HYOU1: variants seen among roughly 807,000 people sequenced by gnomAD.
The protein encoded by HYOU1 is hypoxia up-regulated 1.
In HYOU1, 40 loss-of-function variants were observed where a neutral mutation model predicts 120.5. The observed-to-expected ratio is 0.33, with a 90% CI of 0.26 to 0.43. HYOU1 has a LOEUF of 0.43. Ranked by LOEUF, HYOU1 falls within the 20% of genes least tolerant of loss-of-function variation. The probability of loss-of-function intolerance (pLI) is 1.00; values close to 1 mark genes in which losing one functional copy is unlikely to be tolerated. For missense variants in HYOU1, 1,085 were observed against 1,278.3 expected (o/e 0.85, Z 2.31); for synonymous variants, 501 against 479.4 (o/e 1.05, Z -0.59).
At position 119,051,808 on chromosome 11, in the gene HYOU1, G is replaced by T. The variant is rs186236774; in HGVS notation, c.1338+11C>A. Reference sequence around the variant, plus strand: ...AGGGAGCTTGTCACCTGCTCAGTCAGGCTCACTCACCAGGATGGGGTAGAC... The same window carrying T: ...AGGGAGCTTGTCACCTGCTCAGTCATGCTCACTCACCAGGATGGGGTAGAC... On this transcript the variant is annotated intron_variant, in intron 12 of 25. Coordinates refer to ENST00000617285, the MANE Select transcript of HYOU1 (RefSeq NM_006389.5). The surrounding 1 kb of genome is among the most constrained non-coding windows in gnomAD (Gnocchi z 4.2). 3 of 1,613,952 alleles carry T rather than the reference G, an allele frequency of 1.9e-6. No homozygotes were observed. In the African/African-American group the frequency reaches 4.0e-5, roughly 22 times the overall value.
chr11:119,056,269 T>A, intron 1 of HYOU1, 102 bp from the exon 2 acceptor site: 1 of 830,184 alleles, frequency 1.2e-6, no homozygotes, highest in Non-Finnish European at 2.0e-6. Context: ...CATATCTACT[T>A]CATTCTTACC....
chr11:119,047,861 G>C, intron 21 of HYOU1, 43 bp from the exon 22 acceptor site: 1 of 1,612,454 alleles, frequency 6.2e-7, no homozygotes, highest in Non-Finnish European at 8.5e-7. Context: ...AGGGAGAGGG[G>C]CCTGGAGTGT....
chr11:119,056,638 G>C (rs1179455586), intron 1 of HYOU1, among the ~76,000 whole-genome samples: 1 of 152,238 alleles, frequency 6.6e-6, no homozygotes, highest in Non-Finnish European at 1.5e-5. Flanking sequence ...GGGTAGCTAG[G>C]ATGAAGGAAA....
chr11:119,051,612 C>G lies in HYOU1; in HGVS notation c.1352G>C (p.Arg451Thr). 1.2e-6 allele frequency: 2 copies of G among 1,614,102 alleles called. No homozygotes were observed. Among genetic ancestry groups the G allele is most frequent in the Non-Finnish European group, 1.7e-6 (2 of 1,180,014 alleles). The change falls in exon 13 of 26, where the codon AGG becomes ACG. Residue 451 changes from arginine to threonine, a missense_variant. By Grantham distance (71) the Arg-to-Thr change is moderately conservative (BLOSUM62 -1). This residue lies in a region of HYOU1 where 515 missense variants were observed against 677.8 expected (regional missense o/e 0.76). Transcript: ENST00000617285. The surrounding 1 kb of genome is among the most constrained non-coding windows in gnomAD (Gnocchi z 4.2). Reference sequence around the variant, plus strand: ...AATCCCAGGCTCCTCCTCCACCTCCCTCGTGAACTCCACCTACACAGCAGG... The same window carrying G: ...AATCCCAGGCTCCTCCTCCACCTCCGTCGTGAACTCCACCTACACAGCAGG... ...VVYPILVEFTREVEEEPGIHS... is the reference protein window; with the variant it reads ...VVYPILVEFTTEVEEEPGIHS...
chr11:119,046,397 C>G lies in HYOU1; in HGVS notation c.2887+20G>C. The stretch of plus-strand genomic sequence containing the variant: ...GCTAATGCAACATCCACGTGCTCAA[C>G]CATGGTTGCTCCAACTCACCAGTCT... On this transcript the variant is annotated intron_variant, in intron 24 of 25. Coordinates refer to ENST00000617285, the MANE Select transcript of HYOU1 (RefSeq NM_006389.5). The G allele has an allele frequency of 3.1e-6, 5 of 1,613,628 alleles. No homozygotes were observed. The highest frequency in any genetic ancestry group is 4.2e-6 in the Non-Finnish European group (5 of 1,179,688).
At chr11:119,046,009 C>T (rs945902376) in intron 24 of HYOU1, among the ~76,000 whole-genome samples, 178 bp from the exon 25 acceptor site, 4 of 152,196 alleles carry the variant, frequency 2.6e-5, no homozygotes, top group African/African-American at 9.6e-5. Context: ...GGCTGGAGTG[C>T]AGAGTGCAGT....
At position 119,048,682 on chromosome 11, in the gene HYOU1, T is replaced by C; in HGVS notation, c.2165+32A>G. ...ACATCCTGCCCACCTTGCACACACA[T>C]GTACACACACACACCAGCTGTCCTC... On this transcript the variant is annotated intron_variant, in intron 18 of 25. Coordinates refer to ENST00000617285, the MANE Select transcript of HYOU1 (RefSeq NM_006389.5). The surrounding 1 kb of genome is among the most constrained non-coding windows in gnomAD (Gnocchi z 4.7). The C allele has an allele frequency of 6.2e-7, 1 of 1,606,136 alleles. No homozygotes were observed. Among genetic ancestry groups the C allele is most frequent in the South Asian group, 1.1e-5 (1 of 89,762 alleles).
rs889637418 is a variant in HYOU1, at chr11:119,045,085, C to G, written c.*508G>C. 2.2e-6 allele frequency: 1 copy of G among 450,914 alleles called. No homozygotes were observed. Among genetic ancestry groups the G allele is most frequent in the East Asian group, 7.1e-5 (1 of 14,178 alleles). The allele number at this position is 450,914 out of a possible 1,614,324, so 27.9% of individuals were successfully genotyped here. On this transcript the variant is annotated 3_prime_UTR_variant, in exon 26 of 26. Coordinates refer to ENST00000617285, the MANE Select transcript of HYOU1 (RefSeq NM_006389.5). ...GGAGGCTCAGAGCAAGAGAAGCCCG[C>G]AGAGGGAGGAAAGAGCACAGATAGG...
chr11:119,047,679 C>A (rs1944163711), intron 22 of HYOU1, 55 bp downstream of exon 22: 17 of 1,445,198 alleles, frequency 1.2e-5, no homozygotes, highest in Non-Finnish European at 1.7e-5. Flanking sequence ...CCACCTCTCC[C>A]ACAGTACCTA....
In HYOU1 at chr11:119,056,106, C is replaced by T. The variant is rs138904161; in HGVS notation, c.55G>A (p.Val19Met). ...AACAGGTCTGCCAAGAGCACAGCCACCAAGGCCCAACAGACTCGCCTCCTC... is the reference window on the plus strand; with the variant it reads ...AACAGGTCTGCCAAGAGCACAGCCATCAAGGCCCAACAGACTCGCCTCCTC... ...RPRRRVCWAL[V>M]AVLLADLLAL... Residue 19 changes from valine (V) to methionine (M), a missense_variant, in exon 2 of 26, where the codon GTG becomes ATG. Val to Met is a conservative substitution (Grantham distance 21, BLOSUM62 1). Around this residue, in one of 4 missense-constraint regions of HYOU1, gnomAD observed 45 missense variants for 49.2 expected, o/e 0.91. Transcript: ENST00000617285. The T allele has an allele frequency of 7.4e-6, 12 of 1,614,160 alleles. No individual in the cohort carries two copies. The highest frequency in any genetic ancestry group is 1.0e-5 in the Non-Finnish European group (12 of 1,180,038).
rs1168817 is a variant in HYOU1 at position 119,052,841 on chromosome 11, A to C, written c.795-12T>G. On this transcript the variant is annotated splice_polypyrimidine_tract_variant and intron_variant, in intron 8 of 25. Coordinates refer to ENST00000617285, the MANE Select transcript of HYOU1 (RefSeq NM_006389.5). This position sits in a 1 kb window ranked among gnomAD's most constrained non-coding sequence, Gnocchi z 5.0. ...GGGTACGGTCAAATCTGTTGAGAAAAGGGAGCAGGGAAAAAAGTGAAGAAC... is the reference window on the plus strand; with the variant it reads ...GGGTACGGTCAAATCTGTTGAGAAACGGGAGCAGGGAAAAAAGTGAAGAAC... 32 of 1,605,052 alleles carry C rather than the reference A, an allele frequency of 2.0e-5. No individual in the cohort carries two copies. The South Asian group carries it at 3.2e-4, about 16-fold the overall frequency.
At chr11:119,054,823 T>C in intron 6 of HYOU1, 148 bp from the exon 7 acceptor site, 1 of 1,071,698 alleles carries the variant, frequency 9.3e-7, no homozygotes, top group Non-Finnish European at 1.3e-6. Flanking sequence ...ATCCCCGGCC[T>C]CTACCCACTA....
chr11:119,048,266 A>C lies in HYOU1; in HGVS notation c.2358T>G (p.Gly786=), dbSNP rs11537773. The change falls in exon 20 of 26, where the codon GGT becomes GGG. Residue 786 remains glycine (G), a synonymous_variant. Transcript: ENST00000617285. The surrounding 1 kb of genome is among the most constrained non-coding windows in gnomAD (Gnocchi z 4.7). ...SAASTWLEDE[G]VGATTVMLKE... ...CCCTCACCACTGTGGTGGCTCCAAC[A>C]CCCTCATCCTCCAGCCAGGTGGATG... The C allele has an allele frequency of 1.2e-6, 2 of 1,611,160 alleles. No individual in the cohort carries two copies. Among genetic ancestry groups the C allele is most frequent in the South Asian group, 2.2e-5 (2 of 90,996 alleles).
rs1385883536 is a variant in HYOU1, at chr11:119,044,343, C to T, written c.*1250G>A. On this transcript the variant is annotated 3_prime_UTR_variant, in exon 26 of 26. Coordinates refer to ENST00000617285, the MANE Select transcript of HYOU1 (RefSeq NM_006389.5). ...GGGTGAGGGGTGGGACCCTTAGGTC[C>T]CATCTCTGCCAATGTGGCAAAAAAA... The T allele has an allele frequency of 6.7e-6, 1 of 150,176 alleles. No individual in the cohort carries two copies. The highest frequency in any genetic ancestry group is 1.9e-4 in the East Asian group (1 of 5,140). 9.3% of individuals were successfully genotyped at this position (150,176 alleles called of 1,614,324 possible). A position where few individuals can be genotyped will look rare whatever the true frequency, so the allele number is the denominator to read the frequency against.
rs2133586257 is a variant in HYOU1 at position 119,051,605 on chromosome 11, C to A, written c.1359G>T (p.Val453=). The A allele has an allele frequency of 6.2e-7, 1 of 1,614,100 alleles. No homozygotes were observed. Among genetic ancestry groups the A allele is most frequent in the Admixed American group, 1.7e-5 (1 of 60,006 alleles). The stretch of plus-strand genomic sequence containing the variant: ...GGCTGTGAATCCCAGGCTCCTCCTC[C>A]ACCTCCCTCGTGAACTCCACCTACA... ...YPILVEFTRE[V]EEEPGIHSLK... is the part of the protein sequence containing the mutation. The change falls in exon 13 of 26, where the codon GTG becomes GTT. Residue 453 remains valine, a synonymous_variant. Coordinates refer to ENST00000617285, the MANE Select transcript of HYOU1 (RefSeq NM_006389.5). The surrounding 1 kb of genome is among the most constrained non-coding windows in gnomAD (Gnocchi z 4.2).
Position 119,052,505 on chromosome 11 carries a change from G to C in HYOU1, c.988-76C>G. 1 of 1,604,322 alleles carries C rather than the reference G, an allele frequency of 6.2e-7. No homozygotes were observed. Among genetic ancestry groups the C allele is most frequent in the Admixed American group, 1.7e-5 (1 of 59,624 alleles). On this transcript the variant is annotated intron_variant, in intron 9 of 25. Transcript: ENST00000617285. This position sits in a 1 kb window ranked among gnomAD's most constrained non-coding sequence, Gnocchi z 5.0. ...TTGGTGAGTAGGACAGAAACAAAAAGAATAGGTCTTTGGGAGGATGGTAGC... is the reference window on the plus strand; with the variant it reads ...TTGGTGAGTAGGACAGAAACAAAAACAATAGGTCTTTGGGAGGATGGTAGC...
rs1195532328 is a variant in HYOU1 at position 119,044,804 on chromosome 11, A to T, written c.*789T>A. The T allele has an allele frequency of 2.4e-5, 6 of 246,844 alleles. No individual in the cohort carries two copies. Among genetic ancestry groups the T allele is most frequent in the African/African-American group, 1.3e-4 (6 of 45,426 alleles). The allele number at this position is 246,844 out of a possible 1,614,324, so 15.3% of individuals were successfully genotyped here. A position where few individuals can be genotyped will look rare whatever the true frequency, so the allele number is the denominator to read the frequency against. On this transcript the variant is annotated 3_prime_UTR_variant, in exon 26 of 26. Coordinates refer to ENST00000617285, the MANE Select transcript of HYOU1 (RefSeq NM_006389.5). ...GCTGGGAAGATGCAGATTATGACAG[A>T]GCTTGCACGATGCTGGCACCCCATG...
chr11:119,053,119 C>A lies in HYOU1; in HGVS notation c.795-290G>T, dbSNP rs1163136691. The A allele has an allele frequency of 8.2e-6, 3 of 365,054 alleles. No individual in the cohort carries two copies. In the Admixed American group the frequency reaches 1.3e-4, roughly 16 times the overall value. 22.6% of individuals were successfully genotyped at this position (365,054 alleles called of 1,614,324 possible). A position where few individuals can be genotyped will look rare whatever the true frequency, so the allele number is the denominator to read the frequency against. On this transcript the variant is annotated intron_variant, in intron 8 of 25. Coordinates refer to ENST00000617285, the MANE Select transcript of HYOU1 (RefSeq NM_006389.5). The stretch of plus-strand genomic sequence containing the variant: ...GGTGGGGAGAGAGACAGGGTCCCTG[C>A]TATGGAAAAGTTGAATAATCACACA...
In HYOU1 at chr11:119,049,765, T is replaced by A; in HGVS notation, c.1726+12A>T. 6.2e-7 allele frequency: 1 copy of A among 1,613,378 alleles called. No homozygotes were observed. ...ATATTCTCTCCCATACACACATGCA[T>A]GCTCATCTTACTGGTGAGAGTAGAT... On this transcript the variant is annotated intron_variant, in intron 15 of 25. Transcript: ENST00000617285.
Sources: allele counts gnomAD v4.1 joint callset (sites outside exome capture counted in the v4.1 genomes callset), GRCh38; gene constraint gnomAD v4.1.1; regional missense constraint gnomAD v4.1.1; non-coding constraint Gnocchi (gnomAD v3.1); transcripts MANE v1.5; gene names NCBI Gene and HGNC (gene_info 2026-07-23, HGNC 2026-07-21).